The following DNAI3 variants were observed in gnomAD, a reference collection of about 807,000 sequenced individuals.
DNAI3 encodes the protein WD repeat domain 63.
A neutral mutation model predicts 115.5 loss-of-function variants in DNAI3; 83 were observed. The observed-to-expected ratio is 0.72, with a 90% CI of 0.60 to 0.86. The LOEUF is 0.86. DNAI3 is among the 40% of genes least tolerant of loss of function. The pLI is 0.00. For synonymous variants in DNAI3, 320 were observed against 347.0 expected, an observed-to-expected ratio of 0.92 and a Z score of 0.86; for missense variants, 1,004 against 1,075.8, an observed-to-expected ratio of 0.93 and a Z score of 0.93.
chr1:85,082,694 G>A (rs1368769058), intron 5 of DNAI3, among the ~76,000 whole-genome samples: 1 of 152,114 alleles, frequency 6.6e-6, no homozygotes, highest in Non-Finnish European at 1.5e-5. Context: ...AAGCAGAAGC[G>A]GTACCTCTGC....
chr1:85,104,715 T>C (rs1343964546), intron 14 of DNAI3, 118 bp downstream of exon 14: 9 of 795,272 alleles, frequency 1.1e-5, no homozygotes, highest in South Asian at 8.8e-5. Context: ...AAATCTAATA[T>C]AACTAAATGA....
intron 14 of DNAI3, among the ~76,000 whole-genome samples, chr1:85,107,775 T>G (rs1037758237): frequency 6.6e-6 from 1 of 152,214 alleles, no homozygotes; most frequent in Non-Finnish European, 1.5e-5. Context: ...TAAATAAAAC[T>G]TACATTTTTA....
At chr1:85,072,682 A>G (rs1175600234) in intron 2 of DNAI3, among the ~76,000 whole-genome samples, 5 of 135,254 alleles carry the variant, frequency 3.7e-5, no homozygotes, top group East Asian at 2.3e-4. Context: ...TTGGCCGGGC[A>G]CAGTGGCTCA....
At chr1:85,105,838 G>A (rs1371356323) in intron 14 of DNAI3, among the ~76,000 whole-genome samples, 1 of 152,160 alleles carries the variant, frequency 6.6e-6, no homozygotes, top group Non-Finnish European at 1.5e-5. Flanking sequence ...GGTGTGCCTG[G>A]CTCCTACTGT....
At chr1:85,123,969 G>C in intron 18 of DNAI3, 152 bp from the exon 19 acceptor site, 1 of 909,764 alleles carries the variant, frequency 1.1e-6, no homozygotes, top group Admixed American at 2.7e-5. Context: ...GCCATCCCTT[G>C]ACAGATCTAT....
Position 85,108,181 on chromosome 1 carries a change from A to G in DNAI3, c.1698+4A>G, listed in dbSNP as rs984517228. Reference sequence around the variant, plus strand: ...CTCCTGGAAACCTCTCACTAAGGTAAGTAATGTGGGGTTTTTAGTCCATCC... The same window carrying G: ...CTCCTGGAAACCTCTCACTAAGGTAGGTAATGTGGGGTTTTTAGTCCATCC... On this transcript the variant is annotated splice_donor_region_variant and intron_variant, in intron 15 of 22. Transcript: ENST00000294664. 1.3e-6 allele frequency: 2 copies of G among 1,583,966 alleles called. No homozygotes were observed. Among genetic ancestry groups the G allele is most frequent in the African/African-American group, 2.7e-5 (2 of 73,446 alleles).
chr1:85,110,264 A>C (rs1388277175), intron 16 of DNAI3, 129 bp downstream of exon 16: 2 of 697,754 alleles, frequency 2.9e-6, no homozygotes, highest in Admixed American at 2.9e-5. Context: ...ATCCTGGCTA[A>C]CACGGTGAAA....
intron 14 of DNAI3, among the ~76,000 whole-genome samples, chr1:85,105,336 C>T (rs926069348): frequency 6.6e-6 from 1 of 151,916 alleles, no homozygotes; most frequent in Non-Finnish European, 1.5e-5. Context: ...CTGTGGCTAA[C>T]TTAAGGGAAA....
At chr1:85,110,367 C>T (rs916779391) in intron 16 of DNAI3, among the ~76,000 whole-genome samples, 9 of 151,742 alleles carry the variant, frequency 5.9e-5, no homozygotes, top group Admixed American at 5.9e-4. Context: ...AGGAGAATGG[C>T]GTGAACCCGG....
At chr1:85,067,333 T>C (rs973493857) in intron 1 of DNAI3, among the ~76,000 whole-genome samples, 14 of 152,202 alleles carry the variant, frequency 9.2e-5, no homozygotes, top group Non-Finnish European at 1.8e-4. Context: ...AAGTAGTAAA[T>C]GAGCTGTTCA....
chr1:85,126,331 A>G (rs1178913461), intron 19 of DNAI3, among the ~76,000 whole-genome samples, 180 bp from the exon 20 acceptor site: 1 of 152,208 alleles, frequency 6.6e-6, no homozygotes, highest in Non-Finnish European at 1.5e-5. Context: ...GAAAACAAGA[A>G]AGAAAAGCTG....
chr1:85,104,373 A>G, intron 13 of DNAI3, 151 bp from the exon 14 acceptor site: 1 of 585,256 alleles, frequency 1.7e-6, no homozygotes, highest in East Asian at 3.1e-5. Context: ...TCCCTGCCTC[A>G]GCCTATCAGA....
At chr1:85,130,700 GATA>G (rs1656294311) in intron 22 of DNAI3, among the ~76,000 whole-genome samples, 1 of 146,802 alleles carries the variant, frequency 6.8e-6, no homozygotes, top group Non-Finnish European at 1.5e-5. Flanking sequence ...TAGATAGATA[GATA>G]GATAGATAGA....
chr1:85,129,739 A>C (rs1338474217), intron 21 of DNAI3, among the ~76,000 whole-genome samples: 1 of 152,188 alleles, frequency 6.6e-6, no homozygotes, highest in Non-Finnish European at 1.5e-5. Flanking sequence ...GAATTGTACC[A>C]GCTCCTCTGG....
intron 13 of DNAI3, among the ~76,000 whole-genome samples, chr1:85,099,609 A>G (rs1233914537): frequency 1.3e-5 from 2 of 152,246 alleles, no homozygotes; most frequent in East Asian, 3.8e-4. Flanking sequence ...CTTTCTTCAC[A>G]GAATTGGAAA....
At chr1:85,124,386 C>G (rs1656073236) in intron 19 of DNAI3, 135 bp downstream of exon 19, 3 of 1,201,356 alleles carry the variant, frequency 2.5e-6, no homozygotes, top group Non-Finnish European at 3.6e-6. Context: ...GGCAGGGACA[C>G]CAGCTTGTCA....
chr1:85,109,912 G>A (rs1655601454), intron 15 of DNAI3, 136 bp from the exon 16 acceptor site: 6 of 723,846 alleles, frequency 8.3e-6, no homozygotes, highest in East Asian at 2.8e-5. Context: ...GAAATTTGAG[G>A]GAGGAAAGGG....
chr1:85,073,650 G>A (rs1474362784), intron 3 of DNAI3, among the ~76,000 whole-genome samples: 1 of 152,170 alleles, frequency 6.6e-6, no homozygotes, highest in Admixed American at 6.5e-5. Flanking sequence ...GACAATGAGG[G>A]GGGCAAGGAG....
chr1:85,094,278 G>T, intron 9 of DNAI3, 153 bp from the exon 10 acceptor site: 1 of 992,834 alleles, frequency 1.0e-6, no homozygotes, highest in South Asian at 1.7e-5. Flanking sequence ...GTAACTAGTG[G>T]CAACCACATT....
Sources: gnomAD v4.1 joint callset for allele counts (sites outside exome capture counted in the v4.1 genomes callset) on GRCh38, gnomAD v4.1.1 for gene constraint, MANE v1.5 for transcripts, NCBI Gene and HGNC (gene_info 2026-07-23, HGNC 2026-07-21) for gene names.